Variants in CUX1 observed in about 807,000 individuals in gnomAD.
CUX1 encodes cut like homeobox 1.
Under a neutral mutation model 158.8 loss-of-function variants are expected in CUX1, and 31 were observed. That is an observed-to-expected ratio of 0.20 (90% CI 0.15 to 0.26). The LOEUF is 0.26. CUX1 is among the 10% of genes least tolerant of loss of function. The pLI is 1.00. For synonymous variants in CUX1, 879 were observed against 862.1 expected, an observed-to-expected ratio of 1.02 and a Z score of -0.34; for missense variants, 1,589 against 2,014.6, an observed-to-expected ratio of 0.79 and a Z score of 4.04.
chr7:101,956,309 T>C (rs1484263211), intron 2 of CUX1, among the ~76,000 whole-genome samples: 1 of 152,138 alleles, frequency 6.6e-6, no homozygotes, highest in East Asian at 1.9e-4. Context: ...CAAGCTGAGA[T>C]CATTTCCATT....
chr7:102,160,340 A>G (rs908946009), intron 9 of CUX1, among the ~76,000 whole-genome samples: 3 of 151,806 alleles, frequency 2.0e-5, no homozygotes, highest in Non-Finnish European at 2.9e-5. Context: ...CCAACAGGAG[A>G]GCCTGGTTTG....
intron 2 of CUX1, among the ~76,000 whole-genome samples, chr7:102,024,134 G>A (rs1419014412): frequency 6.6e-6 from 1 of 152,264 alleles, no homozygotes; most frequent in Non-Finnish European, 1.5e-5. Context: ...CCAGGAGCAT[G>A]CCTGCTAAGG....
intron 1 of CUX1, among the ~76,000 whole-genome samples, chr7:101,821,655 TC>T (rs1792562366): frequency 7.1e-6 from 1 of 140,142 alleles, no homozygotes; most frequent in Non-Finnish European, 1.5e-5. Flanking sequence ...TCTTTTCTTT[TC>T]TTTTTTTCTT....
intron 3 of CUX1, among the ~76,000 whole-genome samples, chr7:102,056,926 G>A (rs1824217331): frequency 7.2e-6 from 1 of 138,050 alleles, no homozygotes; most frequent in Admixed American, 7.7e-5. Flanking sequence ...TTTTGAGACA[G>A]AGTCTCGCTC....
At chr7:102,185,122 C>T (rs1793497406) in intron 11 of CUX1, among the ~76,000 whole-genome samples, 2 of 152,214 alleles carry the variant, frequency 1.3e-5, no homozygotes, top group South Asian at 4.1e-4. Context: ...CGCAGACCTT[C>T]ACGAACAGAG....
intron 20 of CUX1, among the ~76,000 whole-genome samples, chr7:102,220,286 G>A (rs1192293988): frequency 3.3e-5 from 5 of 152,174 alleles, no homozygotes; most frequent in Admixed American, 6.5e-5. Context: ...GCTTGAAACC[G>A]GGAGGCGGAG....
At chr7:101,988,914 G>C (rs770007134) in intron 2 of CUX1, among the ~76,000 whole-genome samples, 37 of 152,096 alleles carry the variant, frequency 2.4e-4, no homozygotes, top group Non-Finnish European at 4.7e-4. Context: ...CAGGAGGATT[G>C]CTTCAGTCCT....
chr7:101,991,077 T>G (rs1815050634), intron 2 of CUX1, among the ~76,000 whole-genome samples: 1 of 152,186 alleles, frequency 6.6e-6, no homozygotes, highest in African/African-American at 2.4e-5. Context: ...TAGGTGCTGC[T>G]ACTGAGGCAG....
intron 1 of CUX1, among the ~76,000 whole-genome samples, chr7:101,856,182 C>CAAAAAAA (rs768518044): frequency 1.0e-4 from 5 of 48,044 alleles, no homozygotes; most frequent in African/African-American, 3.0e-4. Flanking sequence ...GACCCTGTCT[C>CAAAAAAA]AAAAAAAAAA....
chr7:102,080,410 G>A (rs1012162456), intron 4 of CUX1, among the ~76,000 whole-genome samples: 1 of 152,278 alleles, frequency 6.6e-6, no homozygotes, highest in East Asian at 1.9e-4. Flanking sequence ...AGACAGCTGG[G>A]TTAATTATGT....
At chr7:101,879,398 C>T (rs1799483419) in intron 1 of CUX1, among the ~76,000 whole-genome samples, 1 of 152,232 alleles carries the variant, frequency 6.6e-6, no homozygotes, top group African/African-American at 2.4e-5. Flanking sequence ...GGACCCCTCC[C>T]TCTCTTCTAT....
At chr7:102,166,198 A>G (rs1791013327) in intron 9 of CUX1, among the ~76,000 whole-genome samples, 1 of 152,208 alleles carries the variant, frequency 6.6e-6, no homozygotes, top group African/African-American at 2.4e-5. Flanking sequence ...GTTTTCTGCC[A>G]TCGTGGTCTG....
intron 2 of CUX1, among the ~76,000 whole-genome samples, chr7:101,989,260 C>T (rs1304214008): frequency 6.6e-6 from 1 of 152,206 alleles, no homozygotes; most frequent in African/African-American, 2.4e-5. Context: ...CAGGTGGTAT[C>T]TGGTTCCACG....
intron 14 of CUX1, chr7:102,264,778 A>G (rs1790678953): frequency 6.6e-6 from 1 of 152,554 alleles, no homozygotes; most frequent in African/African-American, 2.4e-5. Flanking sequence ...TTCCACATTG[A>G]ACTTGGTCAA....
At chr7:102,206,835 G>A (rs1262114549) in intron 20 of CUX1, among the ~76,000 whole-genome samples, 2 of 152,212 alleles carry the variant, frequency 1.3e-5, no homozygotes, top group East Asian at 3.9e-4. Context: ...GGAGGCGGAG[G>A]TTGCAGTGAG....
chr7:102,242,421 G>A (rs1800330251), intron 23 of CUX1, among the ~76,000 whole-genome samples: 2 of 152,018 alleles, frequency 1.3e-5, no homozygotes, highest in Admixed American at 6.6e-5. Flanking sequence ...ATGTTGGCCA[G>A]ACTGGTCTCA....
At chr7:102,227,768 C>G (rs1798496401) in intron 21 of CUX1, 99 bp downstream of exon 21, 1 of 1,246,360 alleles carries the variant, frequency 8.0e-7, no homozygotes, top group Admixed American at 2.1e-5. Flanking sequence ...CACAGAGTCT[C>G]AACTTGTGTA....
Position 102,253,761 on chromosome 7 carries a change from C to T in CUX1, c.*4719C>T. 1 of 985,498 alleles carries T rather than the reference C, an allele frequency of 1.0e-6. No individual in the cohort carries two copies. The highest frequency in any genetic ancestry group is 1.2e-6 in the Non-Finnish European group (1 of 829,966). The allele number at this position is 985,498 out of a possible 1,614,324, so 61.0% of individuals were successfully genotyped here. A position where few individuals can be genotyped will look rare whatever the true frequency, so the allele number is the denominator to read the frequency against. Reference sequence around the variant, plus strand: ...TAGACCTTACTCATCCCAAGGCCGACAAGCCAGCTGTACAGGGCGAGATGT... The same window carrying T: ...TAGACCTTACTCATCCCAAGGCCGATAAGCCAGCTGTACAGGGCGAGATGT... On this transcript the variant is annotated 3_prime_UTR_variant, in exon 24 of 24. Coordinates refer to ENST00000292535, the MANE Select transcript of CUX1 (RefSeq NM_181552.4).
rs1801670135 is a variant in CUX1 at position 102,252,951 on chromosome 7, C to T, written c.*3909C>T. On this transcript the variant is annotated 3_prime_UTR_variant, in exon 24 of 24. Coordinates refer to ENST00000292535, the MANE Select transcript of CUX1 (RefSeq NM_181552.4). Reference sequence around the variant, plus strand: ...TGGGGTGACAGCCCAGGGATGCATGCATGGGAGAACTCTCTGAGAAATGCC... The same window carrying T: ...TGGGGTGACAGCCCAGGGATGCATGTATGGGAGAACTCTCTGAGAAATGCC... 2 of 985,426 alleles carry T rather than the reference C, an allele frequency of 2.0e-6. No homozygotes were observed. Among genetic ancestry groups the T allele is most frequent in the Middle Eastern group, 5.2e-4 (1 of 1,914 alleles). 61.0% of individuals were successfully genotyped at this position (985,426 alleles called of 1,614,324 possible).
Sources: gnomAD v4.1 joint callset for allele counts (sites outside exome capture counted in the v4.1 genomes callset) on GRCh38, gnomAD v4.1.1 for gene constraint, MANE v1.5 for transcripts, NCBI Gene and HGNC (gene_info 2026-07-23, HGNC 2026-07-21) for gene names.